Variants in KIF17 observed in about 807,000 individuals in gnomAD.
The protein encoded by KIF17 is kinesin-like protein KIF17.
In KIF17, 80 loss-of-function variants were observed where a neutral mutation model predicts 96.8. The ratio of observed to expected loss-of-function variants is 0.83; its 90% CI spans 0.69 to 1.00. The LOEUF is 1.00. Among genes scored for constraint, KIF17 ranks in the 50% least tolerant of loss-of-function variants. The probability of loss-of-function intolerance (pLI) is 0.00; values close to 1 mark genes in which losing one functional copy is unlikely to be tolerated. For missense variants in KIF17, 1,280 were observed against 1,372.9 expected, an observed-to-expected ratio of 0.93 and a Z score of 1.07; for synonymous variants, 567 against 587.5, an observed-to-expected ratio of 0.97 and a Z score of 0.51.
Position 20,690,337 on chromosome 1 carries a change from TGGGG to T in KIF17, c.1234-6_1234-3del. 1 of 163,890 alleles carries T rather than the reference TGGGG, an allele frequency of 6.1e-6. No individual in the cohort carries two copies. The highest frequency in any genetic ancestry group is 1.1e-5 in the Non-Finnish European group (1 of 90,668). The allele number at this position is 163,890 out of a possible 1,614,324, so 10.2% of individuals were successfully genotyped here. A position where few individuals can be genotyped will look rare whatever the true frequency, so the allele number is the denominator to read the frequency against. ...CCGGGCCAGGCGCTCTTCATACTCC[TGGGG>T]GGGTGGGAGGGACCAGAGGGCAGGC... On this transcript the variant is annotated splice_polypyrimidine_tract_variant and splice_region_variant and intron_variant, in intron 6 of 14. Transcript: ENST00000400463.
At chr1:20,674,222 C>T (rs1041254501) in intron 11 of KIF17, among the ~76,000 whole-genome samples, 2 of 152,178 alleles carry the variant, frequency 1.3e-5, no homozygotes, top group Admixed American at 6.5e-5. Flanking sequence ...AGCCACTGCA[C>T]CCAGCACGAT....
intron 5 of KIF17, among the ~76,000 whole-genome samples, chr1:20,702,158 G>A (rs533876650): frequency 7.6e-4 from 115 of 152,252 alleles, no homozygotes; most frequent in Non-Finnish European, 1.1e-3. Context: ...GGCAGGTGTC[G>A]CTATGATGTC....
chr1:20,690,128 G>A, intron 7 of KIF17, 60 bp downstream of exon 7: 1 of 1,585,962 alleles, frequency 6.3e-7, no homozygotes, highest in South Asian at 1.1e-5. Context: ...AGTTACTGCA[G>A]TGAGGCGGAA....
intron 11 of KIF17, among the ~76,000 whole-genome samples, chr1:20,676,086 C>G (rs2053732425): frequency 6.6e-6 from 1 of 152,020 alleles, no homozygotes; most frequent in African/African-American, 2.4e-5. Context: ...CACACATGTA[C>G]CAAGATAAAC....
At chr1:20,662,292 T>G (rs1465014614), downstream of KIF17, among the ~76,000 whole-genome samples, 1 of 152,178 alleles carries the variant, frequency 6.6e-6, no homozygotes, top group East Asian at 1.9e-4. Flanking sequence ...GACCTGCCTT[T>G]GTCCACCAGG....
Position 20,704,909 on chromosome 1 carries a change from G to A in KIF17, c.671-10C>T. The A allele has an allele frequency of 6.3e-7, 1 of 1,598,990 alleles. No individual in the cohort carries two copies. Among genetic ancestry groups the A allele is most frequent in the Non-Finnish European group, 8.5e-7 (1 of 1,179,458 alleles). On this transcript the variant is annotated splice_polypyrimidine_tract_variant and intron_variant, in intron 4 of 14. Transcript: ENST00000400463. This position sits in a 1 kb window ranked among gnomAD's most constrained non-coding sequence, Gnocchi z 6.8. The stretch of plus-strand genomic sequence containing the variant: ...TCCTTGCCCCGCTCATCTGCACACA[G>A]ACCAGGCAAAGTGGCGAGGGCCTCG...
At chr1:20,691,792 C>T (rs1379781595) in intron 6 of KIF17, among the ~76,000 whole-genome samples, 3 of 152,158 alleles carry the variant, frequency 2.0e-5, no homozygotes, top group African/African-American at 4.8e-5. Flanking sequence ...TTTTAACAGA[C>T]GAATAATATA....
Position 20,690,215 on chromosome 1 carries a change from G to T in KIF17, c.1354C>A (p.Leu452Met). 6.2e-7 allele frequency: 1 copy of T among 1,614,142 alleles called. No individual in the cohort carries two copies. The highest frequency in any genetic ancestry group is 2.2e-5 in the East Asian group (1 of 44,856). ...GTCTCCTTCCGCAGGTTCTCCTCCA[G>T]CGTGGACAGCCTGACGTCATATGAG... is the stretch of plus-strand genomic sequence containing the variant. ...RNSYDVRLST[L>M]EENLRKETEA... The change falls in exon 7 of 15, where the codon CTG becomes ATG. Residue 452 changes from leucine (L) to methionine (M), a missense_variant. Transcript: ENST00000400463.
chr1:20,710,811 TG>T (rs997069863), intron 3 of KIF17, among the ~76,000 whole-genome samples: 1 of 152,022 alleles, frequency 6.6e-6, no homozygotes, highest in Non-Finnish European at 1.5e-5. Flanking sequence ...CTGGGCTTCA[TG>T]GAATAGAGGA....
At chr1:20,671,913 G>T (rs1408625516) in intron 12 of KIF17, 25 bp downstream of exon 12, 2 of 1,609,184 alleles carry the variant, frequency 1.2e-6, no homozygotes. Flanking sequence ...GGGAGGGGAG[G>T]GCAAGGGCCA....
chr1:20,665,244 T>C (rs2053505931), intron 14 of KIF17, among the ~76,000 whole-genome samples: 1 of 108,480 alleles, frequency 9.2e-6, no homozygotes, highest in Non-Finnish European at 2.1e-5. Flanking sequence ...TTTTTTTTTT[T>C]TTAGAAAAAG....
intron 8 of KIF17, among the ~76,000 whole-genome samples, chr1:20,686,903 GAGA>G (rs989921920): frequency 7.2e-5 from 11 of 152,212 alleles, no homozygotes; most frequent in African/African-American, 2.7e-4. Context: ...GTTGAAAAGG[GAGA>G]AGATGTTGGT....
chr1:20,713,697 C>A, intron 2 of KIF17, 142 bp from the exon 3 acceptor site: 1 of 705,872 alleles, frequency 1.4e-6, no homozygotes, highest in Non-Finnish European at 2.5e-6. Context: ...GTCTCCAACC[C>A]AACCCGCCCT....
At position 20,690,236 on chromosome 1, in the gene KIF17, A is replaced by G. The variant is rs1396024580; in HGVS notation, c.1333T>C (p.Tyr445His). 2 of 1,570,452 alleles carry G rather than the reference A, an allele frequency of 1.3e-6. No homozygotes were observed. Among genetic ancestry groups the G allele is most frequent in the Admixed American group, 3.5e-5 (2 of 57,612 alleles). Residue 445 changes from tyrosine to histidine, a missense_variant, in exon 7 of 15, where the codon TAT becomes CAT. Tyr to His is a moderately conservative substitution (Grantham distance 83). Transcript: ENST00000400463. Reference sequence around the variant, plus strand: ...TCCAGCGTGGACAGCCTGACGTCATATGAGTTGCGCATGGCAGTGATGTCT... The same window carrying G: ...TCCAGCGTGGACAGCCTGACGTCATGTGAGTTGCGCATGGCAGTGATGTCT... ...EEDITAMRNS[Y>H]DVRLSTLEEN...
At chr1:20,686,482 C>T (rs1404824052) in intron 8 of KIF17, 8 of 336,068 alleles carry the variant, frequency 2.4e-5, no homozygotes, top group Non-Finnish European at 3.7e-5. Flanking sequence ...TACACACACA[C>T]AGACACACAC....
intron 14 of KIF17, among the ~76,000 whole-genome samples, chr1:20,665,887 G>T (rs1301825078): frequency 2.6e-5 from 4 of 152,086 alleles, no homozygotes; most frequent in Admixed American, 6.5e-5. Flanking sequence ...CAGGAAGCTG[G>T]CGCGTAACTA....
chr1:20,666,354 G>T, intron 13 of KIF17, 23 bp from the exon 14 acceptor site: 1 of 1,564,678 alleles, frequency 6.4e-7, no homozygotes, highest in Non-Finnish European at 8.8e-7. Flanking sequence ...AGATGCCCGT[G>T]GTCACGTCCC....
Position 20,664,142 on chromosome 1 carries a change from G to A in KIF17, c.*442C>T, listed in dbSNP as rs2053482835. 3.3e-6 allele frequency: 1 copy of A among 301,668 alleles called. No individual in the cohort carries two copies. The highest frequency in any genetic ancestry group is 3.4e-5 in the South Asian group (1 of 29,128). The allele number at this position is 301,668 out of a possible 1,614,324, so 18.7% of individuals were successfully genotyped here. A position where few individuals can be genotyped will look rare whatever the true frequency, so the allele number is the denominator to read the frequency against. ...CTGTGCCACCCCATGGGGCAGGGCA[G>A]TGCTTAGGAAGTGGGGCCAGTCAGA... On this transcript the variant is annotated 3_prime_UTR_variant, in exon 15 of 15. Coordinates refer to ENST00000400463, the MANE Select transcript of KIF17 (RefSeq NM_001122819.3).
Position 20,682,741 on chromosome 1 carries a change from C to T in KIF17, c.2375G>A (p.Ser792Asn), listed in dbSNP as rs1184571027. Residue 792 changes from serine to asparagine, a missense_variant, in exon 11 of 15, where the codon AGC becomes AAC. Physicochemically the swap from Ser to Asn is conservative, Grantham distance 46. Coordinates refer to ENST00000400463, the MANE Select transcript of KIF17 (RefSeq NM_001122819.3). Reference sequence around the variant, plus strand: ...GACGTTAAGCAGCACCCAGTCCCCGCTGTCCTCATCCGAGTTCTGCAGGGC... The same window carrying T: ...GACGTTAAGCAGCACCCAGTCCCCGTTGTCCTCATCCGAGTTCTGCAGGGC... The part of the protein sequence containing the change: ...VAALQNSDED[S>N]GDWVLLNVYD... The T allele has an allele frequency of 6.2e-7, 1 of 1,613,538 alleles. No individual in the cohort carries two copies. The highest frequency in any genetic ancestry group is 8.5e-7 in the Non-Finnish European group (1 of 1,180,050).
Sources: allele counts gnomAD v4.1 joint callset (sites outside exome capture counted in the v4.1 genomes callset), GRCh38; gene constraint gnomAD v4.1.1; non-coding constraint Gnocchi (gnomAD v3.1); transcripts MANE v1.5; gene names NCBI Gene and HGNC (gene_info 2026-07-23, HGNC 2026-07-21).